The following FRMPD4 variants were observed in gnomAD, a reference collection of about 807,000 sequenced individuals.
FRMPD4 encodes FERM and PDZ domain containing 4.
Under a neutral mutation model 94.1 loss-of-function variants are expected in FRMPD4, and 22 were observed. That is an observed-to-expected ratio of 0.23 (90% CI 0.17 to 0.33). FRMPD4 has a LOEUF of 0.33. Ranked by LOEUF, FRMPD4 falls within the 10% of genes least tolerant of loss-of-function variation. The pLI is 1.00. For missense variants in FRMPD4, 1,111 were observed against 1,339.9 expected, an observed-to-expected ratio of 0.83 and a Z score of 2.67; for synonymous variants, 631 against 548.6, an observed-to-expected ratio of 1.15 and a Z score of -2.10.
intron 1 of FRMPD4, among the ~76,000 whole-genome samples, chrX:12,218,583 C>T (rs2056832012): frequency 8.9e-6 from 1 of 112,262 alleles, no homozygotes; most frequent in Non-Finnish European, 1.9e-5. Flanking sequence ...GCATAACCCA[C>T]TCTCTCCCCT....
intron 1 of FRMPD4, among the ~76,000 whole-genome samples, chrX:11,832,790 G>A (rs1233243747): frequency 9.0e-6 from 1 of 111,713 alleles, no homozygotes; most frequent in Non-Finnish European, 1.9e-5. Context: ...TTCATTATTA[G>A]CATCCATCAC....
chrX:12,668,335 T>C (rs886358682), intron 4 of FRMPD4, among the ~76,000 whole-genome samples: 3 of 111,483 alleles, frequency 2.7e-5, no homozygotes, highest in African/African-American at 9.8e-5. Flanking sequence ...TCCCTAGTCC[T>C]GGTGATAAAT....
intron 1 of FRMPD4, among the ~76,000 whole-genome samples, chrX:12,497,714 A>C (rs2057867418): frequency 9.0e-6 from 1 of 111,255 alleles, no homozygotes; most frequent in Non-Finnish European, 1.9e-5. Context: ...AAAGGAATGG[A>C]GGTGGTTAAA....
chrX:12,568,466 G>A (rs1046968866), intron 2 of FRMPD4, among the ~76,000 whole-genome samples: 30 of 112,155 alleles, frequency 2.7e-4, no homozygotes, highest in South Asian at 3.7e-4. Context: ...TATTAATCTC[G>A]AAGAGCTTTC....
intron 1 of FRMPD4, among the ~76,000 whole-genome samples, chrX:12,341,278 A>C (rs2055608543): frequency 9.0e-6 from 1 of 111,606 alleles, no homozygotes; most frequent in Non-Finnish European, 1.9e-5. Context: ...TATATCAAAA[A>C]AATTAATCAG....
At chrX:12,544,883 T>A (rs2058457749) in intron 2 of FRMPD4, among the ~76,000 whole-genome samples, 2 of 112,087 alleles carry the variant, frequency 1.8e-5, no homozygotes, top group African/African-American at 6.5e-5. Context: ...TTTCTTCTTC[T>A]ACAAAAAGAC....
At chrX:11,964,185 A>T (rs191000156) in intron 3 of FRMPD4, among the ~76,000 whole-genome samples, 321 of 109,709 alleles carry the variant, frequency 2.9e-3, no homozygotes, top group African/African-American at 9.9e-3. Context: ...TTTGAGACAG[A>T]GTCTCACTCT....
chrX:12,481,703 A>G (rs746815741), intron 1 of FRMPD4, among the ~76,000 whole-genome samples: 1 of 108,936 alleles, frequency 9.2e-6, no homozygotes, highest in African/African-American at 3.3e-5. Context: ...GCACTTTGGG[A>G]GGCTGAGGCG....
At chrX:11,915,125 T>C (rs1358188055) in intron 3 of FRMPD4, among the ~76,000 whole-genome samples, 2 of 112,604 alleles carry the variant, frequency 1.8e-5, no homozygotes, top group Non-Finnish European at 3.8e-5. Context: ...GTGCTGACCT[T>C]ATAAATACTA....
chrX:11,843,967 A>G (rs2053557313), intron 1 of FRMPD4, among the ~76,000 whole-genome samples: 1 of 100,319 alleles, frequency 1.0e-5, no homozygotes, highest in Admixed American at 1.1e-4. Flanking sequence ...CAGATCTGAT[A>G]GTTATGAATT....
chrX:12,179,863 C>G (rs1203221235), intron 1 of FRMPD4, among the ~76,000 whole-genome samples: 1 of 87,534 alleles, frequency 1.1e-5, no homozygotes, highest in Non-Finnish European at 2.1e-5. Context: ...TGCTATCTTG[C>G]TAACCTAGCC....
intron 1 of FRMPD4, among the ~76,000 whole-genome samples, chrX:12,462,244 A>G (rs1242022886): frequency 1.8e-5 from 2 of 111,934 alleles, no homozygotes; most frequent in African/African-American, 6.5e-5. Context: ...TTTGTAGATA[A>G]TACTCTATTT....
At chrX:12,387,740 G>A (rs1232920114) in intron 1 of FRMPD4, among the ~76,000 whole-genome samples, 3 of 107,661 alleles carry the variant, frequency 2.8e-5, no homozygotes, top group African/African-American at 6.8e-5. Flanking sequence ...AGGACTAGAT[G>A]AGCAGGATGG....
rs35377550 is a variant in FRMPD4 at position 11,987,098 on chromosome X, T to TAAAAAAAAA, written c.95+109103_95+109111dup. 1.1e-3 allele frequency among the ~76,000 whole-genome samples: 24 copies of TAAAAAAAAA among 21,841 alleles called. 1 individual carries two copies. The highest frequency in any genetic ancestry group is 2.9e-3 in the African/African-American group (9 of 3,094). 19.0% of individuals were successfully genotyped at this position (21,841 alleles called of 115,157 possible). A position where few individuals can be genotyped will look rare whatever the true frequency, so the allele number is the denominator to read the frequency against. On this transcript the variant is annotated intron_variant, in intron 3 of 18. Coordinates refer to the FRMPD4 transcript ENST00000640291. ...ATACCAAGACCAGGCAAAGACACAT[T>TAAAAAAAAA]AAAAAAAAAAAAAAAAAAAAAAAAA...
intron 2 of FRMPD4, among the ~76,000 whole-genome samples, chrX:12,546,515 A>G (rs2058478087): frequency 8.9e-6 from 1 of 111,978 alleles, no homozygotes; most frequent in Non-Finnish European, 1.9e-5. Flanking sequence ...TTAGTAGCCC[A>G]TGGGAGACTA....
intron 3 of FRMPD4, among the ~76,000 whole-genome samples, chrX:11,946,266 G>A (rs184479351): frequency 1.2e-4 from 13 of 110,824 alleles, no homozygotes; most frequent in South Asian, 3.9e-4. Context: ...TCTTTGCTCC[G>A]GCAGACTCAC....
intron 1 of FRMPD4, among the ~76,000 whole-genome samples, chrX:12,490,109 A>G (rs1313254732): frequency 1.8e-5 from 2 of 111,661 alleles, no homozygotes; most frequent in Non-Finnish European, 3.8e-5. Context: ...ACTACATTCT[A>G]TCCCACACAG....
At chrX:12,251,895 G>A (rs1168136907) in intron 1 of FRMPD4, among the ~76,000 whole-genome samples, 1 of 111,855 alleles carries the variant, frequency 8.9e-6, no homozygotes, top group African/African-American at 3.3e-5. Context: ...TAGGCAAAGT[G>A]GCCGACCACT....
chrX:12,021,560 T>C (rs1469099621), intron 3 of FRMPD4, among the ~76,000 whole-genome samples: 1 of 111,890 alleles, frequency 8.9e-6, no homozygotes, highest in African/African-American at 3.2e-5. Flanking sequence ...CTTCATAACC[T>C]ATGCAAGCAC....
Sources: gnomAD v4.1 joint callset for allele counts (sites outside exome capture counted in the v4.1 genomes callset) on GRCh38, gnomAD v4.1.1 for gene constraint, MANE v1.5 for transcripts, NCBI Gene and HGNC (gene_info 2026-07-23, HGNC 2026-07-21) for gene names.